Variants in TIA1 observed in about 807,000 individuals in gnomAD.
TIA1 encodes the protein TIA1 cytotoxic granule associated RNA binding protein, also known as cytotoxic granule associated RNA binding protein TIA1.
In TIA1, 23 loss-of-function variants were observed where a neutral mutation model predicts 65.9. The ratio of observed to expected loss-of-function variants is 0.35; its 90% CI spans 0.25 to 0.49. The LOEUF is 0.49. Among genes scored for constraint, TIA1 ranks in the 20% least tolerant of loss-of-function variants. The pLI, the probability that TIA1 is intolerant of heterozygous loss-of-function variation, is 0.98. For missense variants in TIA1, 371 were observed against 477.9 expected, an observed-to-expected ratio of 0.78 and a Z score of 2.09; for synonymous variants, 147 against 149.4, an observed-to-expected ratio of 0.98 and a Z score of 0.12.
intron 11 of TIA1, 28 bp downstream of exon 11, chr2:70,215,343 T>A (rs1453988393): frequency 6.2e-7 from 1 of 1,611,602 alleles, no homozygotes; most frequent in Non-Finnish European, 8.5e-7. Context: ...GCCCAACAAT[T>A]ACTTCTCAAA....
intron 1 of TIA1, among the ~76,000 whole-genome samples, chr2:70,237,396 G>A (rs943957211): frequency 3.3e-5 from 5 of 151,526 alleles, no homozygotes; most frequent in Admixed American, 1.3e-4. Flanking sequence ...GTGAGACTAT[G>A]TCTCAAAAAA....
At chr2:70,229,677 G>A (rs926784329) in intron 3 of TIA1, among the ~76,000 whole-genome samples, 3 of 152,080 alleles carry the variant, frequency 2.0e-5, no homozygotes, top group African/African-American at 4.8e-5. Flanking sequence ...GCTGGCTGAC[G>A]TCTGTAATCT....
chr2:70,230,799 G>A lies in TIA1; in HGVS notation c.179C>T (p.Ala60Val), dbSNP rs753367632. ...TCCATTCATAGCAGCTAATGCTGCAGCTGCATGACGATGCTCATGAAACTC... is the reference window on the plus strand; with the variant it reads ...TCCATTCATAGCAGCTAATGCTGCAACTGCATGACGATGCTCATGAAACTC... The part of the protein sequence containing the change: ...FVEFHEHRHA[A>V]AALAAMNGRK... Residue 60 changes from alanine (A) to valine (V), a missense_variant, in exon 3 of 13, where the codon GCT becomes GTT. By Grantham distance (64) the Ala-to-Val change is moderately conservative. Coordinates refer to ENST00000433529, the MANE Select transcript of TIA1 (RefSeq NM_022173.4). 6.2e-7 allele frequency: 1 copy of A among 1,612,746 alleles called. No homozygotes were observed. Among genetic ancestry groups the A allele is most frequent in the Non-Finnish European group, 8.5e-7 (1 of 1,179,582 alleles).
chr2:70,243,895 G>C (rs1467305926), intron 1 of TIA1, among the ~76,000 whole-genome samples: 2 of 152,142 alleles, frequency 1.3e-5, no homozygotes, highest in African/African-American at 2.4e-5. Flanking sequence ...CTGATACCTG[G>C]ATTGGCTTCC....
rs1003603605 is a variant in TIA1 at position 70,209,627 on chromosome 2, G to A, written c.*3092C>T. ...GTGATTTAACAACAGAGAAAATCCAGGAAGAATGAATTGAGTTCCTTCTAG... is the reference window on the plus strand; with the variant it reads ...GTGATTTAACAACAGAGAAAATCCAAGAAGAATGAATTGAGTTCCTTCTAG... On this transcript the variant is annotated 3_prime_UTR_variant, in exon 13 of 13. Transcript: ENST00000433529. 3 of 398,212 alleles carry A rather than the reference G, an allele frequency of 7.5e-6. No homozygotes were observed. Among genetic ancestry groups the A allele is most frequent in the African/African-American group, 6.2e-5 (3 of 48,606 alleles). 24.7% of individuals were successfully genotyped at this position (398,212 alleles called of 1,614,324 possible). A position where few individuals can be genotyped will look rare whatever the true frequency, so the allele number is the denominator to read the frequency against.
chr2:70,221,523 T>C (rs1466690571), intron 7 of TIA1, among the ~76,000 whole-genome samples: 12 of 151,414 alleles, frequency 7.9e-5, no homozygotes, highest in South Asian at 2.1e-4. Flanking sequence ...AGAGAAGGAA[T>C]AGAGTGATGA....
intron 1 of TIA1, among the ~76,000 whole-genome samples, chr2:70,245,205 T>G (rs1021090774): frequency 3.3e-5 from 5 of 152,178 alleles, no homozygotes; most frequent in African/African-American, 1.2e-4. Flanking sequence ...CAGGTTGGTC[T>G]CAAACTTCTG....
chr2:70,224,034 C>T (rs1276228706), intron 7 of TIA1, among the ~76,000 whole-genome samples: 1 of 152,260 alleles, frequency 6.6e-6, no homozygotes, highest in East Asian at 1.9e-4. Context: ...CCTCCTGCCT[C>T]AGCTTCCCGA....
intron 1 of TIA1, among the ~76,000 whole-genome samples, chr2:70,244,350 A>T (rs1290075831): frequency 1.3e-5 from 2 of 152,164 alleles, no homozygotes; most frequent in Non-Finnish European, 2.9e-5. Context: ...TAACATAATT[A>T]CTTATGTAAA....
At chr2:70,218,053 T>C (rs997507630) in intron 7 of TIA1, among the ~76,000 whole-genome samples, 4 of 152,252 alleles carry the variant, frequency 2.6e-5, no homozygotes, top group Non-Finnish European at 5.9e-5. Flanking sequence ...CAAGCATACA[T>C]GGTCTCTTAC....
At chr2:70,236,803 A>C (rs1452691607) in intron 1 of TIA1, among the ~76,000 whole-genome samples, 2 of 151,780 alleles carry the variant, frequency 1.3e-5, no homozygotes, top group East Asian at 3.9e-4. Flanking sequence ...ATTTTTTTAC[A>C]GTTTCTGTAG....
intron 7 of TIA1, among the ~76,000 whole-genome samples, chr2:70,217,750 G>A (rs576074432): frequency 1.5e-4 from 23 of 152,236 alleles, no homozygotes; most frequent in African/African-American, 5.5e-4. Context: ...TTCCCAAAGT[G>A]CTAGGATTAC....
intron 1 of TIA1, among the ~76,000 whole-genome samples, chr2:70,238,917 G>C (rs2104640362): frequency 6.6e-6 from 1 of 152,040 alleles, no homozygotes; most frequent in South Asian, 2.1e-4. Context: ...TAAAAAATTA[G>C]CGGACATGGT....
chr2:70,236,479 G>T (rs1688997584), intron 1 of TIA1, among the ~76,000 whole-genome samples: 1 of 151,764 alleles, frequency 6.6e-6, no homozygotes, highest in African/African-American at 2.4e-5. Flanking sequence ...AATTACAGGT[G>T]TGAGCCACTG....
chr2:70,219,291 G>C (rs1680146673), intron 7 of TIA1, among the ~76,000 whole-genome samples: 1 of 152,142 alleles, frequency 6.6e-6, no homozygotes, highest in Non-Finnish European at 1.5e-5. Context: ...TATGGTCCAG[G>C]GAGCCAAGAA....
At chr2:70,224,179 A>G (rs1682811795) in intron 7 of TIA1, among the ~76,000 whole-genome samples, 1 of 152,066 alleles carries the variant, frequency 6.6e-6, no homozygotes, top group Admixed American at 6.6e-5. Context: ...CAGCCTCCCA[A>G]AGTGTTGGGA....
chr2:70,248,473 C>A lies in TIA1; in HGVS notation c.-43G>T. On this transcript the variant is annotated 5_prime_UTR_variant, in exon 1 of 13. Coordinates refer to ENST00000433529, the MANE Select transcript of TIA1 (RefSeq NM_022173.4). ...CGGCGCCTCCAGGTCCAGCTCCCTG[C>A]CCTTCACTACCTCCCAAATCGTTTA... is the stretch of plus-strand genomic sequence containing the variant. 6.2e-7 allele frequency: 1 copy of A among 1,600,746 alleles called. No individual in the cohort carries two copies. Among genetic ancestry groups the A allele is most frequent in the Admixed American group, 1.7e-5 (1 of 60,008 alleles).
At chr2:70,233,979 A>T (rs1297428447) in intron 2 of TIA1, among the ~76,000 whole-genome samples, 4 of 152,214 alleles carry the variant, frequency 2.6e-5, no homozygotes, top group African/African-American at 9.6e-5. Flanking sequence ...ATAAAAATCT[A>T]AGCTTTTGAG....
rs752125738 is a variant in TIA1, at chr2:70,227,839, AG to A, written c.311-18del. Reference sequence around the variant, plus strand: ...GGAAATGATCTTATAAGGGGAAGGAAGGGGAAGTGAAAAGAAAAATAGAACT... The same window carrying A: ...GGAAATGATCTTATAAGGGGAAGGAAGGGAAGTGAAAAGAAAAATAGAACT... On this transcript the variant is annotated intron_variant, in intron 5 of 12. Coordinates refer to ENST00000433529, the MANE Select transcript of TIA1 (RefSeq NM_022173.4). The A allele has an allele frequency of 6.5e-7, 1 of 1,549,386 alleles. No individual in the cohort carries two copies. Among genetic ancestry groups the A allele is most frequent in the African/African-American group, 1.4e-5 (1 of 73,024 alleles).
Sources: gnomAD v4.1 joint callset for allele counts (sites outside exome capture counted in the v4.1 genomes callset) on GRCh38, gnomAD v4.1.1 for gene constraint, MANE v1.5 for transcripts, NCBI Gene and HGNC (gene_info 2026-07-23, HGNC 2026-07-21) for gene names.